Variants in CTNNA2 observed in about 807,000 individuals in gnomAD.
CTNNA2 encodes the protein catenin alpha 2, also known as catenin alpha-2.
In CTNNA2, 42 loss-of-function variants were observed where a neutral mutation model predicts 101.0. The ratio of observed to expected loss-of-function variants is 0.42; its 90% CI spans 0.32 to 0.54. CTNNA2 has a LOEUF of 0.54. Ranked by LOEUF, CTNNA2 falls within the 20% of genes least tolerant of loss-of-function variation. CTNNA2 has a pLI of 0.14. For synonymous variants in CTNNA2, 450 were observed against 456.4 expected (o/e 0.99, Z 0.18); for missense variants, 871 against 1,223.1 (o/e 0.71, Z 4.29).
intron 9 of CTNNA2, among the ~76,000 whole-genome samples, chr2:80,424,218 T>A (rs1680790827): frequency 6.6e-6 from 1 of 152,182 alleles, no homozygotes; most frequent in East Asian, 1.9e-4. Flanking sequence ...CCTCCCAAAG[T>A]GCTGGGATTA....
At chr2:79,930,355 A>AGAAT (rs60171121) in intron 7 of CTNNA2, among the ~76,000 whole-genome samples, 2 of 104,878 alleles carry the variant, frequency 1.9e-5, no homozygotes, top group South Asian at 3.7e-4. Flanking sequence ...AAAGAAAGAA[A>AGAAT]GAATGAACAC....
In CTNNA2 at chr2:80,410,164, C is replaced by T. The variant is rs1394145531; in HGVS notation, c.1138-9285C>T. On this transcript the variant is annotated intron_variant, in intron 8 of 18. Coordinates refer to ENST00000402739, the MANE Select transcript of CTNNA2 (RefSeq NM_001282597.3). ...AATACTTTTGCAGTATTAGATGTGG[C>T]TCAATGTACAGCATACACTCCTCAT... 2.6e-5 allele frequency among the ~76,000 whole-genome samples: 4 copies of T among 152,296 alleles called. No homozygotes were observed. The East Asian group carries it at 7.7e-4, about 29-fold the overall frequency.
chr2:80,556,168 A>G (rs780285879), intron 12 of CTNNA2, among the ~76,000 whole-genome samples: 20 of 152,318 alleles, frequency 1.3e-4, no homozygotes, highest in Middle Eastern at 6.8e-3. Context: ...TTTTCTGCTT[A>G]CTTAATTATC....
At chr2:79,539,076 G>C (rs1026810151) in intron 1 of CTNNA2, among the ~76,000 whole-genome samples, 1 of 152,186 alleles carries the variant, frequency 6.6e-6, no homozygotes, top group Non-Finnish European at 1.5e-5. Context: ...CACAGATAAT[G>C]GTTAAGAAAA....
chr2:80,470,986 A>G (rs1188869163), intron 9 of CTNNA2, among the ~76,000 whole-genome samples: 1 of 152,164 alleles, frequency 6.6e-6, no homozygotes, highest in East Asian at 1.9e-4. Flanking sequence ...TTTCCAGCCC[A>G]GAAGACAACA....
chr2:80,050,003 C>A (rs1012046113), intron 7 of CTNNA2, among the ~76,000 whole-genome samples: 1 of 152,080 alleles, frequency 6.6e-6, no homozygotes, highest in Non-Finnish European at 1.5e-5. Context: ...CGATGTCTCT[C>A]CTGCCGTGCC....
chr2:79,479,141 TC>T (rs1231635366), intron 4 of CTNNA2, among the ~76,000 whole-genome samples: 3 of 152,222 alleles, frequency 2.0e-5, no homozygotes, highest in African/African-American at 7.2e-5. Flanking sequence ...TTCCTGAAGT[TC>T]ACTGAGAAAA....
At chr2:80,563,102 C>T (rs1244070831) in intron 12 of CTNNA2, among the ~76,000 whole-genome samples, 1 of 151,414 alleles carries the variant, frequency 6.6e-6, no homozygotes, top group Non-Finnish European at 1.5e-5. Context: ...ATTCAGAATC[C>T]TGGGAACTGG....
chr2:80,139,769 A>T (rs558695961), intron 7 of CTNNA2, among the ~76,000 whole-genome samples: 1 of 152,286 alleles, frequency 6.6e-6, no homozygotes, highest in Non-Finnish European at 1.5e-5. Flanking sequence ...ATTTACATCC[A>T]ATTTCTCTGG....
chr2:79,958,912 T>C (rs76729989), intron 7 of CTNNA2, among the ~76,000 whole-genome samples: 2 of 152,196 alleles, frequency 1.3e-5, no homozygotes, highest in Non-Finnish European at 2.9e-5. Flanking sequence ...ATGGTAACCA[T>C]GTTACTTATG....
At chr2:80,254,254 G>A (rs1671974295) in intron 7 of CTNNA2, among the ~76,000 whole-genome samples, 1 of 151,894 alleles carries the variant, frequency 6.6e-6, no homozygotes, top group Admixed American at 6.6e-5. Context: ...CATATATTAT[G>A]TGCATTCTTT....
chr2:79,245,818 A>T (rs984130034), intron 2 of CTNNA2, among the ~76,000 whole-genome samples: 1 of 152,172 alleles, frequency 6.6e-6, no homozygotes, highest in Non-Finnish European at 1.5e-5. Flanking sequence ...TTTGAGCTTC[A>T]GGTGCAAACC....
At chr2:80,254,669 A>G (rs1672004466) in intron 7 of CTNNA2, among the ~76,000 whole-genome samples, 1 of 152,182 alleles carries the variant, frequency 6.6e-6, no homozygotes. Context: ...TATTTTAATT[A>G]CTGTTAGCAA....
chr2:80,210,302 G>T (rs1282499727), intron 7 of CTNNA2, among the ~76,000 whole-genome samples: 1 of 152,150 alleles, frequency 6.6e-6, no homozygotes, highest in African/African-American at 2.4e-5. Flanking sequence ...CCATGTTGTT[G>T]TCCTGCACCC....
intron 7 of CTNNA2, among the ~76,000 whole-genome samples, chr2:80,138,639 T>C (rs922550871): frequency 6.6e-6 from 1 of 152,070 alleles, no homozygotes; most frequent in South Asian, 2.1e-4. Flanking sequence ...AGAACACAGG[T>C]TGAGCAGCTG....
chr2:79,936,113 G>A (rs1687769956), intron 7 of CTNNA2, among the ~76,000 whole-genome samples: 1 of 152,072 alleles, frequency 6.6e-6, no homozygotes, highest in Admixed American at 6.5e-5. Context: ...AAAGAACAAT[G>A]TGCTCTATTT....
At chr2:80,264,231 C>A (rs1672831461) in intron 7 of CTNNA2, among the ~76,000 whole-genome samples, 1 of 151,950 alleles carries the variant, frequency 6.6e-6, no homozygotes, top group Non-Finnish European at 1.5e-5. Flanking sequence ...CTGCTTGTAG[C>A]TAAAATAGCA....
intron 7 of CTNNA2, among the ~76,000 whole-genome samples, chr2:80,249,365 T>A (rs1671580828): frequency 1.3e-5 from 2 of 152,176 alleles, no homozygotes; most frequent in African/African-American, 4.8e-5. Context: ...TCAGGCCTCC[T>A]TACTTCCCTT....
chr2:79,738,089 A>G (rs1280382194), intron 2 of CTNNA2, among the ~76,000 whole-genome samples: 1 of 152,182 alleles, frequency 6.6e-6, no homozygotes, highest in Non-Finnish European at 1.5e-5. Context: ...TGGTAGGTCA[A>G]CTTTTAGGAC....
Sources: allele counts gnomAD v4.1 joint callset (sites outside exome capture counted in the v4.1 genomes callset), GRCh38; gene constraint gnomAD v4.1.1; transcripts MANE v1.5; gene names NCBI Gene and HGNC (gene_info 2026-07-23, HGNC 2026-07-21).